The following RNF112 variants were observed in gnomAD, a reference collection of about 807,000 sequenced individuals.
RNF112 encodes brain finger protein.
RNF112 carries 34 observed loss-of-function variants against 64.7 expected under a neutral mutation model. That is an observed-to-expected ratio of 0.53 (90% CI 0.40 to 0.70). RNF112 has a LOEUF of 0.70. Among genes scored for constraint, RNF112 ranks in the 30% least tolerant of loss-of-function variants. The pLI, the probability that RNF112 is intolerant of heterozygous loss-of-function variation, is 0.00. For synonymous variants in RNF112, 345 were observed against 344.5 expected (o/e 1.00, Z -0.02); for missense variants, 734 against 850.0 (o/e 0.86, Z 1.70).
Position 19,414,629 on chromosome 17 carries a change from C to G in RNF112, c.977C>G (p.Ala326Gly). The change falls in exon 9 of 14, where the codon GCA becomes GGA. Residue 326 changes from alanine to glycine, a missense_variant. Transcript: ENST00000461366. The part of the protein sequence containing the change: ...LVRDSSHPNK[A>G]GQGHVGNIFQ... The stretch of plus-strand genomic sequence containing the variant: ...CGTGACTCATCCCACCCCAACAAGG[C>G]AGGGCAGGGGCATGTAGGCAACATC... The G allele has an allele frequency of 6.2e-7, 1 of 1,613,348 alleles. No homozygotes were observed. Among genetic ancestry groups the G allele is most frequent in the Non-Finnish European group, 8.5e-7 (1 of 1,179,856 alleles).
Position 19,416,144 on chromosome 17 carries a change from G to C in RNF112, c.1865G>C (p.Gly622Ala). 6.4e-7 allele frequency: 1 copy of C among 1,568,206 alleles called. No homozygotes were observed. Among genetic ancestry groups the C allele is most frequent in the Non-Finnish European group, 8.6e-7 (1 of 1,157,184 alleles). ...EKEEDERLLEGDREPLLQEE is the reference protein window; with the variant it reads ...EKEEDERLLEADREPLLQEE ...GAGGAGGATGAGAGGCTTCTGGAAG[G>C]GGACCGAGAGCCCCTTCTCCAGGAA... Residue 622 changes from glycine to alanine, a missense_variant, in exon 14 of 14, where the codon GGG becomes GCG. Coordinates refer to ENST00000461366, the MANE Select transcript of RNF112 (RefSeq NM_007148.5).
Position 19,415,665 on chromosome 17 carries a change from C to T in RNF112, c.1426-40C>T, listed in dbSNP as rs1913859862. 2.5e-6 allele frequency: 4 copies of T among 1,600,484 alleles called. No homozygotes were observed. In the African/African-American group the frequency reaches 5.4e-5, roughly 21 times the overall value. On this transcript the variant is annotated intron_variant, in intron 13 of 13. Transcript: ENST00000461366. This position sits in a 1 kb window ranked among gnomAD's most constrained non-coding sequence, Gnocchi z 7.8. ...CAGATCAGGGAGAGGATACCTGGGACTCCTGGTCAGGGCACCTTCTTTTCC... is the reference window on the plus strand; with the variant it reads ...CAGATCAGGGAGAGGATACCTGGGATTCCTGGTCAGGGCACCTTCTTTTCC...
Position 19,411,304 on chromosome 17 carries a change from C to A in RNF112, c.-105C>A, listed in dbSNP as rs973985837. The A allele has an allele frequency of 1.8e-6, 2 of 1,092,912 alleles. No individual in the cohort carries two copies. Among genetic ancestry groups the A allele is most frequent in the Admixed American group, 2.1e-5 (1 of 46,848 alleles). 67.7% of individuals were successfully genotyped at this position (1,092,912 alleles called of 1,614,324 possible). A position where few individuals can be genotyped will look rare whatever the true frequency, so the allele number is the denominator to read the frequency against. Reference sequence around the variant, plus strand: ...ATCCCCCGACCTCACCTTCTACCTACCGCAGCCTGCTAGCCTTTCCGGGAG... The same window carrying A: ...ATCCCCCGACCTCACCTTCTACCTAACGCAGCCTGCTAGCCTTTCCGGGAG... On this transcript the variant is annotated 5_prime_UTR_variant, in exon 1 of 14. Transcript: ENST00000461366.
rs745568842 is a variant in RNF112 at position 19,413,154 on chromosome 17, G to T, written c.588+10G>T. 4.3e-6 allele frequency: 7 copies of T among 1,610,328 alleles called. No individual in the cohort carries two copies. Among genetic ancestry groups the T allele is most frequent in the South Asian group, 1.1e-5 (1 of 90,772 alleles). ...GGGCTTGCCGGGCCTGGTGAGGGCG[G>T]GGCGGGGCAGGAGGGAGGCGGGGAG... On this transcript the variant is annotated intron_variant, in intron 4 of 13. Coordinates refer to ENST00000461366, the MANE Select transcript of RNF112 (RefSeq NM_007148.5). The surrounding 1 kb of genome is among the most constrained non-coding windows in gnomAD (Gnocchi z 5.9).
At position 19,412,210 on chromosome 17, in the gene RNF112, T is replaced by C. The variant is rs1420422966; in HGVS notation, c.96-288T>C. ...CTTGCTTGCATTTGCATGGCTGGGA[T>C]GTGGTGGAGTCCATTCCACTCAGAT... On this transcript the variant is annotated intron_variant, in intron 2 of 13. Coordinates refer to ENST00000461366, the MANE Select transcript of RNF112 (RefSeq NM_007148.5). This position sits in a 1 kb window ranked among gnomAD's most constrained non-coding sequence, Gnocchi z 5.1. 2.0e-5 allele frequency among the ~76,000 whole-genome samples: 3 copies of C among 152,212 alleles called. No individual in the cohort carries two copies. The highest frequency in any genetic ancestry group is 4.4e-5 in the Non-Finnish European group (3 of 68,032).
In RNF112 at chr17:19,412,768, GCCC is replaced by G; in HGVS notation, c.369_371del (p.Pro124del). 1 of 1,612,616 alleles carries G rather than the reference GCCC, an allele frequency of 6.2e-7. No individual in the cohort carries two copies. The highest frequency in any genetic ancestry group is 8.5e-7 in the Non-Finnish European group (1 of 1,179,692). ...TGAAGCTCCTGCCGCAGCGGCCGCT[GCCC>G]CCTGCACTGCAGGTCTGGGGACTGG... On this transcript the variant is annotated inframe_deletion, in exon 3 of 14. Coordinates refer to ENST00000461366, the MANE Select transcript of RNF112 (RefSeq NM_007148.5). This position sits in a 1 kb window ranked among gnomAD's most constrained non-coding sequence, Gnocchi z 5.1.
intron 2 of RNF112, 47 bp downstream of exon 2, chr17:19,411,717 G>A: frequency 1.3e-6 from 2 of 1,550,516 alleles, no homozygotes; most frequent in Non-Finnish European, 1.7e-6. Context: ...GTGAGGCCAG[G>A]CAGGTCAGTT....
chr17:19,415,573 A>G lies in RNF112; in HGVS notation c.1406A>G (p.Glu469Gly). ...GTGGAAGCTGCCAAGAGGGAGTTCG[A>G]GGAGTATGTGAGGCAGCAGGTGAGC... ...RKVEAAKREF[E>G]EYVRQQDVAT... is the part of the protein sequence containing the mutation. Residue 469 changes from glutamate (E) to glycine (G), a missense_variant, in exon 13 of 14, where the codon GAG becomes GGG. Physicochemically the swap from Glu to Gly is moderately conservative, Grantham distance 98. Coordinates refer to ENST00000461366, the MANE Select transcript of RNF112 (RefSeq NM_007148.5). This position sits in a 1 kb window ranked among gnomAD's most constrained non-coding sequence, Gnocchi z 7.8. The G allele has an allele frequency of 1.2e-6, 2 of 1,612,810 alleles. No homozygotes were observed. The highest frequency in any genetic ancestry group is 1.7e-5 in the Admixed American group (1 of 59,848).
At chr17:19,414,376 G>A (rs1304689589) in intron 7 of RNF112, 73 bp from the exon 8 acceptor site, 6 of 1,571,302 alleles carry the variant, frequency 3.8e-6, no homozygotes, top group Non-Finnish European at 5.3e-6. Context: ...TAGGGAGGTG[G>A]GGAGACAGGC....
Position 19,411,337 on chromosome 17 carries a change from A to C in RNF112, c.-72A>C. The stretch of plus-strand genomic sequence containing the variant: ...TGCTAGCCTTTCCGGGAGAAAAGGC[A>C]TCCTTACCTCTGGTTGAAGGTCTCG... On this transcript the variant is annotated 5_prime_UTR_variant, in exon 1 of 14. Transcript: ENST00000461366. 2 of 1,478,336 alleles carry C rather than the reference A, an allele frequency of 1.4e-6. No homozygotes were observed. Among genetic ancestry groups the C allele is most frequent in the East Asian group, 4.7e-5 (2 of 42,678 alleles). The allele number at this position is 1,478,336 out of a possible 1,614,324, so 91.6% of individuals were successfully genotyped here.
Position 19,413,599 on chromosome 17 carries a change from C to T in RNF112, c.743C>T (p.Thr248Ile), listed in dbSNP as rs1259900248. The T allele has an allele frequency of 6.2e-7, 1 of 1,613,304 alleles. No homozygotes were observed. The highest frequency in any genetic ancestry group is 2.2e-5 in the East Asian group (1 of 44,856). ...TAGGTGGCGGTGTTCCTGGTGGACACAGGGGATGCCATGAGCCCTGAGCTG... is the reference window on the plus strand; with the variant it reads ...TAGGTGGCGGTGTTCCTGGTGGACATAGGGGATGCCATGAGCCCTGAGCTG... ...GKKVAVFLVD[T>I]GDAMSPELSR... Residue 248 changes from threonine to isoleucine, a missense_variant, in exon 6 of 14, where the codon ACA becomes ATA. Physicochemically the swap from Thr to Ile is moderately conservative, Grantham distance 89. Coordinates refer to ENST00000461366, the MANE Select transcript of RNF112 (RefSeq NM_007148.5). The surrounding 1 kb of genome is among the most constrained non-coding windows in gnomAD (Gnocchi z 5.9).
Position 19,413,997 on chromosome 17 carries a change from C to T in RNF112, c.826-98C>T. On this transcript the variant is annotated intron_variant, in intron 6 of 13. Coordinates refer to ENST00000461366, the MANE Select transcript of RNF112 (RefSeq NM_007148.5). The surrounding 1 kb of genome is among the most constrained non-coding windows in gnomAD (Gnocchi z 5.9). ...CTGGCCTCTCCCATACTCTGAGGCC[C>T]ACAGGCTGCCTGCGAGCTCCCTACT... The T allele has an allele frequency of 1.9e-6, 2 of 1,036,466 alleles. No individual in the cohort carries two copies. The highest frequency in any genetic ancestry group is 3.0e-5 in the South Asian group (2 of 67,462). The allele number at this position is 1,036,466 out of a possible 1,614,324, so 64.2% of individuals were successfully genotyped here. A position where few individuals can be genotyped will look rare whatever the true frequency, so the allele number is the denominator to read the frequency against.
Position 19,416,387 on chromosome 17 carries a change from C to T in RNF112, c.*212C>T. 1 of 533,204 alleles carries T rather than the reference C, an allele frequency of 1.9e-6. No homozygotes were observed. Among genetic ancestry groups the T allele is most frequent in the Non-Finnish European group, 3.3e-6 (1 of 304,560 alleles). 33.0% of individuals were successfully genotyped at this position (533,204 alleles called of 1,614,324 possible). A position where few individuals can be genotyped will look rare whatever the true frequency, so the allele number is the denominator to read the frequency against. Reference sequence around the variant, plus strand: ...GCATCTGGGGGCAGTGGATAGAACACCCGGCCTGTTTCTGGTTGCAGATGG... The same window carrying T: ...GCATCTGGGGGCAGTGGATAGAACATCCGGCCTGTTTCTGGTTGCAGATGG... On this transcript the variant is annotated 3_prime_UTR_variant, in exon 14 of 14. Transcript: ENST00000461366.
Position 19,412,007 on chromosome 17 carries a change from T to C in RNF112, c.95+337T>C, listed in dbSNP as rs1410301796. Among the ~76,000 whole-genome samples the C allele has an allele frequency of 6.6e-6, 1 of 152,210 alleles. No homozygotes were observed. The highest frequency in any genetic ancestry group is 2.4e-5 in the African/African-American group (1 of 41,462). On this transcript the variant is annotated intron_variant, in intron 2 of 13. Transcript: ENST00000461366. This position sits in a 1 kb window ranked among gnomAD's most constrained non-coding sequence, Gnocchi z 5.1. ...GGGCCTGGCTGAAGTCAGCACCTCA[T>C]GGAGGGAGCCCCGCTGTAGAACGCC...
Position 19,415,235 on chromosome 17 carries a change from G to A in RNF112, c.1296+28G>A, listed in dbSNP as rs781452679. On this transcript the variant is annotated intron_variant, in intron 11 of 13. Coordinates refer to ENST00000461366, the MANE Select transcript of RNF112 (RefSeq NM_007148.5). This position sits in a 1 kb window ranked among gnomAD's most constrained non-coding sequence, Gnocchi z 7.8. ...GTGAAAACTCCCTGGAGACCCAGGC[G>A]ACTCGGCTGGGCCCCTGCTCTCCCT... 31 of 1,598,578 alleles carry A rather than the reference G, an allele frequency of 1.9e-5. No individual in the cohort carries two copies. Among genetic ancestry groups the A allele is most frequent in the African/African-American group, 5.4e-5 (4 of 73,714 alleles).
Position 19,415,802 on chromosome 17 carries a change from A to G in RNF112, c.1523A>G (p.His508Arg). ...STQKDAILAR[H>R]GVALLCKGRD... Reference sequence around the variant, plus strand: ...CAGAAAGATGCCATTCTGGCCCGCCATGGTGTGGCCTTACTCTGCAAGGGG... The same window carrying G: ...CAGAAAGATGCCATTCTGGCCCGCCGTGGTGTGGCCTTACTCTGCAAGGGG... The change falls in exon 14 of 14, where the codon CAT becomes CGT. Residue 508 changes from histidine to arginine, a missense_variant. Physicochemically the swap from His to Arg is conservative, Grantham distance 29 (BLOSUM62 0). Coordinates refer to ENST00000461366, the MANE Select transcript of RNF112 (RefSeq NM_007148.5). The surrounding 1 kb of genome is among the most constrained non-coding windows in gnomAD (Gnocchi z 7.8). The G allele has an allele frequency of 6.2e-7, 1 of 1,613,668 alleles. No homozygotes were observed. The highest frequency in any genetic ancestry group is 8.5e-7 in the Non-Finnish European group (1 of 1,179,874).
At position 19,413,577 on chromosome 17, in the gene RNF112, G is replaced by C; in HGVS notation, c.721G>C (p.Val241Leu). The C allele has an allele frequency of 6.2e-7, 1 of 1,612,650 alleles. No homozygotes were observed. The highest frequency in any genetic ancestry group is 2.2e-5 in the East Asian group (1 of 44,838). Reference sequence around the variant, plus strand: ...GGGTCTTTCCCTACCCCCTGCATAGGTGGCGGTGTTCCTGGTGGACACAGG... The same window carrying C: ...GGGTCTTTCCCTACCCCCTGCATAGCTGGCGGTGTTCCTGGTGGACACAGG... The part of the protein sequence containing the change: ...PFLLGKEGKK[V>L]AVFLVDTGDA... The change falls in exon 6 of 14, where the codon GTG becomes CTG. Residue 241 changes from valine (V) to leucine (L), a missense_variant and splice_region_variant. Physicochemically the swap from Val to Leu is conservative, Grantham distance 32 (BLOSUM62 1). Transcript: ENST00000461366. This position sits in a 1 kb window ranked among gnomAD's most constrained non-coding sequence, Gnocchi z 5.9.
chr17:19,414,297 T>G (rs911392246), intron 7 of RNF112, among the ~76,000 whole-genome samples, 152 bp downstream of exon 7: 6 of 151,934 alleles, frequency 3.9e-5, no homozygotes, highest in African/African-American at 1.5e-4. Flanking sequence ...AAGCAAGAGA[T>G]GTGTGGTCTG....
rs1207632521 is a variant in RNF112, at chr17:19,413,512, T to C, written c.721-65T>C. 4 of 1,575,872 alleles carry C rather than the reference T, an allele frequency of 2.5e-6. No individual in the cohort carries two copies. The South Asian group carries it at 3.4e-5, about 13-fold the overall frequency. The stretch of plus-strand genomic sequence containing the variant: ...AAGATGGGGATGGGACGGGGCAGGG[T>C]TGGGAAGAATGTGGGAGAACAAGGC... On this transcript the variant is annotated intron_variant, in intron 5 of 13. Coordinates refer to ENST00000461366, the MANE Select transcript of RNF112 (RefSeq NM_007148.5). The surrounding 1 kb of genome is among the most constrained non-coding windows in gnomAD (Gnocchi z 5.9).
Sources: allele counts gnomAD v4.1 joint callset (sites outside exome capture counted in the v4.1 genomes callset), GRCh38; gene constraint gnomAD v4.1.1; non-coding constraint Gnocchi (gnomAD v3.1); transcripts MANE v1.5; gene names NCBI Gene and HGNC (gene_info 2026-07-23, HGNC 2026-07-21).